ADK: variants seen among roughly 807,000 people sequenced by gnomAD.
ADK encodes the protein adenosine kinase, also known as N6,N6-dimethyladenosine kinase.
Under a neutral mutation model 44.7 loss-of-function variants are expected in ADK, and 24 were observed. The ratio of observed to expected loss-of-function variants is 0.54; its 90% confidence interval spans 0.39 to 0.76. ADK has a LOEUF of 0.76. ADK is among the 30% of genes least tolerant of loss of function. The pLI is 0.00. For missense variants in ADK, 321 were observed against 425.1 expected (o/e 0.76, Z 2.15); for synonymous variants, 128 against 142.6 (o/e 0.90, Z 0.73).
intron 6 of ADK, among the ~76,000 whole-genome samples, chr10:74,447,499 T>A (rs1845627183): frequency 6.6e-6 from 1 of 152,052 alleles, no homozygotes; most frequent in Non-Finnish European, 1.5e-5. Context: ...GGCAGAGAGC[T>A]CCTCCTATGT....
chr10:74,553,303 C>T (rs972433276), intron 7 of ADK, among the ~76,000 whole-genome samples: 6 of 139,862 alleles, frequency 4.3e-5, no homozygotes, highest in Admixed American at 1.6e-4. Context: ...CAGGTTCAAG[C>T]GATTCTCCTG....
Position 74,356,402 on chromosome 10 carries a change from AT to A in ADK, c.274-37734del, listed in dbSNP as rs1373680964. Among the ~76,000 whole-genome samples, 9 of 152,310 alleles carry A rather than the reference AT, an allele frequency of 5.9e-5. 1 individual carries two copies. The East Asian group carries it at 1.7e-3, about 29-fold the overall frequency. On this transcript the variant is annotated intron_variant, in intron 4 of 10. Transcript: ENST00000539909. ...ATGGTTGTGACCAACTACAGTTCAC[AT>A]TTTTCACTAGTGGATCACACTCTGC...
intron 3 of ADK, among the ~76,000 whole-genome samples, chr10:74,253,766 C>CTTTTTT: frequency 8.0e-6 from 1 of 125,064 alleles, no homozygotes; most frequent in Non-Finnish European, 1.6e-5. Context: ...TCTACACTGC[C>CTTTTTT]TTTTTTTTTT....
intron 4 of ADK, among the ~76,000 whole-genome samples, chr10:74,381,671 T>G (rs763412911): frequency 1.3e-5 from 2 of 152,214 alleles, no homozygotes; most frequent in Non-Finnish European, 2.9e-5. Flanking sequence ...GTGCATGAAA[T>G]TGCAGTGTTA....
chr10:74,493,547 T>C (rs1564752893), intron 6 of ADK, among the ~76,000 whole-genome samples: 1 of 151,184 alleles, frequency 6.6e-6, no homozygotes, highest in Non-Finnish European at 1.5e-5. Context: ...GACATAGATA[T>C]ATATCTCATC....
intron 4 of ADK, among the ~76,000 whole-genome samples, chr10:74,322,730 T>C (rs1379559333): frequency 6.6e-6 from 1 of 151,860 alleles, no homozygotes; most frequent in Non-Finnish European, 1.5e-5. Flanking sequence ...GTCTCTCTCC[T>C]TTCCTTTCTC....
chr10:74,267,096 T>G (rs1591957257), intron 3 of ADK, among the ~76,000 whole-genome samples: 1 of 152,338 alleles, frequency 6.6e-6, no homozygotes, highest in South Asian at 2.1e-4. Context: ...ATATTGTTAG[T>G]AATCTAGAGA....
intron 4 of ADK, chr10:74,372,351 G>C (rs1842687328): frequency 1.3e-6 from 1 of 745,354 alleles, no homozygotes; most frequent in East Asian, 2.5e-5. Context: ...TGCCACGGAA[G>C]GCTGGTCCAC....
chr10:74,661,977 A>G (rs1049550782), intron 9 of ADK, among the ~76,000 whole-genome samples: 4 of 152,234 alleles, frequency 2.6e-5, no homozygotes, highest in South Asian at 2.1e-4. Flanking sequence ...TATGAGATCT[A>G]ATGAGCTCAC....
At chr10:74,390,422 T>G (rs551441959) in intron 4 of ADK, among the ~76,000 whole-genome samples, 61 of 152,260 alleles carry the variant, frequency 4.0e-4, no homozygotes, top group Middle Eastern at 3.4e-3. Context: ...ATTTTGAACA[T>G]TTTCTAACTT....
intron 1 of ADK, among the ~76,000 whole-genome samples, chr10:74,165,864 T>C (rs1254711106): frequency 6.6e-6 from 1 of 152,220 alleles, no homozygotes; most frequent in African/African-American, 2.4e-5. Context: ...CCCAAAATAA[T>C]TATTCTCTTG....
At chr10:74,541,805 C>CCCT (rs1491350769) in intron 7 of ADK, among the ~76,000 whole-genome samples, 3 of 132,362 alleles carry the variant, frequency 2.3e-5, no homozygotes, top group Non-Finnish European at 4.8e-5. Flanking sequence ...CCCCCCCCCC[C>CCCT]TAAAAAAAAA....
intron 6 of ADK, among the ~76,000 whole-genome samples, chr10:74,500,302 T>C (rs1425460210): frequency 1.3e-5 from 2 of 152,232 alleles, no homozygotes; most frequent in African/African-American, 4.8e-5. Context: ...CAGTCAAGTT[T>C]TACATTTTGT....
At chr10:74,253,446 G>A (rs1442133528) in intron 3 of ADK, among the ~76,000 whole-genome samples, 2 of 152,106 alleles carry the variant, frequency 1.3e-5, no homozygotes, top group Admixed American at 6.5e-5. Context: ...CTGATGGAAA[G>A]CTTCTTCTGC....
intron 6 of ADK, among the ~76,000 whole-genome samples, chr10:74,461,106 T>C (rs899349107): frequency 3.3e-5 from 5 of 152,128 alleles, no homozygotes; most frequent in Non-Finnish European, 7.4e-5. Context: ...AGCAAGTCCT[T>C]AGAGTAAACC....
chr10:74,392,147 C>A (rs1279855682), intron 4 of ADK, among the ~76,000 whole-genome samples: 1 of 152,044 alleles, frequency 6.6e-6, no homozygotes, highest in Non-Finnish European at 1.5e-5. Context: ...CTTTGAGATC[C>A]TGCTTTGAAT....
intron 10 of ADK, among the ~76,000 whole-genome samples, chr10:74,699,013 A>ATT (rs529911090): frequency 0.018 from 2,471 of 140,064 alleles, 41 homozygotes; most frequent in Non-Finnish European, 0.031. Context: ...CGCCCAGCTA[A>ATT]TTTTTTTTTT....
At chr10:74,182,117 A>G (rs1274820688) in intron 1 of ADK, among the ~76,000 whole-genome samples, 1 of 152,192 alleles carries the variant, frequency 6.6e-6, no homozygotes, top group Non-Finnish European at 1.5e-5. Context: ...CAGAACATTC[A>G]TATGGAGACT....
chr10:74,238,334 A>G (rs1460559559), intron 3 of ADK, among the ~76,000 whole-genome samples: 1 of 152,162 alleles, frequency 6.6e-6, no homozygotes, highest in Non-Finnish European at 1.5e-5. Flanking sequence ...TTAGAGCTCC[A>G]CTGGCAACGC....
Sources: allele counts gnomAD v4.1 joint callset (sites outside exome capture counted in the v4.1 genomes callset), GRCh38; gene constraint gnomAD v4.1.1; transcripts MANE v1.5; gene names NCBI Gene and HGNC (gene_info 2026-07-23, HGNC 2026-07-21).